Variants in HK1 observed in about 807,000 individuals in gnomAD.
The protein encoded by HK1 is hexokinase 1.
A neutral mutation model predicts 91.6 loss-of-function variants in HK1; 28 were observed. The ratio of observed to expected loss-of-function variants is 0.31; its 90% CI spans 0.23 to 0.42. HK1 has a LOEUF of 0.42. Among genes scored for constraint, HK1 ranks in the 10% least tolerant of loss-of-function variants. HK1 has a pLI of 1.00. For synonymous variants in HK1, 430 were observed against 468.1 expected, an observed-to-expected ratio of 0.92 and a Z score of 1.05; for missense variants, 770 against 1,219.8, an observed-to-expected ratio of 0.63 and a Z score of 5.49.
At chr10:69,376,843 CG>C in intron 7 of HK1, 90 bp from the exon 8 acceptor site, 7 of 1,513,546 alleles carry the variant, frequency 4.6e-6, no homozygotes, top group Non-Finnish European at 6.4e-6. Context: ...AGGGGTGAGT[CG>C]GGGCTTCCCA....
chr10:69,341,469 A>ATT lies in HK1; in HGVS notation c.64-2345_64-2344dup, dbSNP rs748689808. Among the ~76,000 whole-genome samples the ATT allele has an allele frequency of 3.6e-3, 511 of 142,392 alleles. 1 individual carries two copies. Among genetic ancestry groups the ATT allele is most frequent in the Middle Eastern group, 0.026 (7 of 268 alleles). 93.4% of individuals were successfully genotyped at this position (142,392 alleles called of 152,430 possible). ...GGCCACTGCTCCTGGCCAATTGTTA[A>ATT]TTTTTTTTTTTTTTAGAGACAGTCT... On this transcript the variant is annotated intron_variant, in intron 1 of 17. Transcript: ENST00000359426.
chr10:69,279,087 T>C (rs886643486), intron 1 of HK1, among the ~76,000 whole-genome samples: 1 of 152,236 alleles, frequency 6.6e-6, no homozygotes, highest in African/African-American at 2.4e-5. Context: ...GTCGATGCTA[T>C]ATTATCACTC....
chr10:69,389,294 T>A lies in HK1; in HGVS notation c.2033T>A (p.Val678Asp). The change falls in exon 14 of 18, where the codon GTT (valine) becomes GAT (aspartate). Residue 678 changes from valine to aspartate, a missense_variant and splice_region_variant. Val to Asp is a radical substitution (Grantham distance 152). Coordinates refer to ENST00000359426, the MANE Select transcript of HK1 (RefSeq NM_000188.3). Reference sequence around the variant, plus strand: ...CCCACCTGTGAGGTTGGACTCATTGTTGGTGAGTGTCCTGGAAGGTCTCTT... The same window carrying A: ...CCCACCTGTGAGGTTGGACTCATTGATGGTGAGTGTCCTGGAAGGTCTCTT... The part of the protein sequence containing the change: ...EEPTCEVGLI[V>D]GTGSNACYME... 1 of 1,602,380 alleles carries A rather than the reference T, an allele frequency of 6.2e-7. No individual in the cohort carries two copies. Among genetic ancestry groups the A allele is most frequent in the Non-Finnish European group, 8.5e-7 (1 of 1,172,254 alleles).
At chr10:69,325,506 A>C (rs1262646920) in intron 1 of HK1, among the ~76,000 whole-genome samples, 2 of 148,086 alleles carry the variant, frequency 1.4e-5, no homozygotes, top group Non-Finnish European at 3.0e-5. Context: ...TACAGGCACC[A>C]GCCAATGCTC....
At chr10:69,321,557 A>G (rs1847030783) in intron 1 of HK1, among the ~76,000 whole-genome samples, 1 of 152,124 alleles carries the variant, frequency 6.6e-6, no homozygotes, top group Non-Finnish European at 1.5e-5. Context: ...GGGGCTCTGG[A>G]GACAGACCTG....
chr10:69,279,234 T>A (rs1186392404), intron 1 of HK1, among the ~76,000 whole-genome samples: 4 of 152,196 alleles, frequency 2.6e-5, no homozygotes, highest in Non-Finnish European at 5.9e-5. Context: ...AGTCTGTCTC[T>A]TTCTAAAATG....
At chr10:69,300,950 A>G in intron 5 of HK1, 1 of 779,764 alleles carries the variant, frequency 1.3e-6, no homozygotes, top group Non-Finnish European at 2.2e-6. Context: ...GTTAATATAC[A>G]TAAATCAATT....
chr10:69,300,010 G>A (rs113489626), intron 4 of HK1, among the ~76,000 whole-genome samples: 2,210 of 149,746 alleles, frequency 0.015, 115 homozygotes, highest in African/African-American at 0.052. Flanking sequence ...ATGTTGCCCC[G>A]GCTGGTCTTG....
intron 1 of HK1, among the ~76,000 whole-genome samples, chr10:69,331,186 A>C (rs1267597799): frequency 6.6e-6 from 1 of 152,224 alleles, no homozygotes; most frequent in Non-Finnish European, 1.5e-5. Flanking sequence ...GGCCAGAGTT[A>C]CCTGTTTCTT....
At chr10:69,365,715 T>C (rs1482714561) in intron 4 of HK1, among the ~76,000 whole-genome samples, 1 of 152,136 alleles carries the variant, frequency 6.6e-6, no homozygotes, top group Non-Finnish European at 1.5e-5. Flanking sequence ...GTTAGCTGTG[T>C]GCGTTAACAT....
intron 1 of HK1, among the ~76,000 whole-genome samples, chr10:69,329,501 G>A (rs1381461829): frequency 6.6e-6 from 1 of 152,124 alleles, no homozygotes; most frequent in East Asian, 1.9e-4. Context: ...TGTAGGAATG[G>A]AATTTCTTGG....
chr10:69,296,635 A>AT (rs1845576907), intron 4 of HK1, among the ~76,000 whole-genome samples: 1 of 152,108 alleles, frequency 6.6e-6, no homozygotes, highest in Non-Finnish European at 1.5e-5. Context: ...AGGTGATGAG[A>AT]TTTGCAGAGA....
chr10:69,377,801 A>G (rs1414240711), intron 8 of HK1, among the ~76,000 whole-genome samples: 7 of 152,200 alleles, frequency 4.6e-5, no homozygotes, highest in Non-Finnish European at 1.5e-5. Flanking sequence ...TGCCACACAC[A>G]CATTCTTTCA....
rs1322815636 is a variant in HK1, at chr10:69,285,132, C to T, written c.-215+2428C>T. Among the ~76,000 whole-genome samples the T allele has an allele frequency of 2.0e-5, 3 of 151,834 alleles. No homozygotes were observed. In the East Asian group the frequency reaches 5.9e-4, roughly 30 times the overall value. On this transcript the variant is annotated intron_variant, in intron 2 of 21. Transcript: ENST00000360289. ...CCGCACCCAGCCGTGAGATCCTATT[C>T]CTTAAAAAAACAAACAAACAGGCCG...
chr10:69,289,290 A>G (rs928525577), intron 3 of HK1, among the ~76,000 whole-genome samples: 9 of 152,242 alleles, frequency 5.9e-5, no homozygotes, highest in African/African-American at 2.2e-4. Flanking sequence ...AGGGAAGCCC[A>G]GAGGATCGTT....
intron 2 of HK1, among the ~76,000 whole-genome samples, chr10:69,356,313 T>G (rs1416723177): frequency 6.6e-6 from 1 of 151,938 alleles, no homozygotes; most frequent in Non-Finnish European, 1.5e-5. Context: ...ATGCCTGTAG[T>G]TCCAGCTACT....
intron 14 of HK1, among the ~76,000 whole-genome samples, chr10:69,391,153 G>T (rs1228932753): frequency 6.6e-6 from 1 of 152,240 alleles, no homozygotes; most frequent in Non-Finnish European, 1.5e-5. Flanking sequence ...TCCACCCAGA[G>T]AAAGGTGCCT....
intron 4 of HK1, among the ~76,000 whole-genome samples, chr10:69,367,359 G>C (rs569977900): frequency 6.6e-6 from 1 of 152,324 alleles, no homozygotes; most frequent in South Asian, 2.1e-4. Context: ...TCAGCTCCCT[G>C]TTTCTAGAGG....
In HK1 at chr10:69,360,033, C is replaced by T; in HGVS notation, c.363C>T (p.Gly121=). The T allele has an allele frequency of 6.2e-7, 1 of 1,614,016 alleles. No homozygotes were observed. The highest frequency in any genetic ancestry group is 1.7e-4 in the Middle Eastern group (1 of 5,958). Reference sequence around the variant, plus strand: ...ACACCCCAGAGAACATCGTGCACGGCAGTGGAAGCCAGGTGGGTCCCTGCT... The same window carrying T: ...ACACCCCAGAGAACATCGTGCACGGTAGTGGAAGCCAGGTGGGTCCCTGCT... ...VYDTPENIVH[G]SGSQLFDHVA... Residue 121 remains glycine, a synonymous_variant, in exon 3 of 18, where the codon GGC becomes GGT. Coordinates refer to ENST00000359426, the MANE Select transcript of HK1 (RefSeq NM_000188.3).
Sources: gnomAD v4.1 joint callset for allele counts (sites outside exome capture counted in the v4.1 genomes callset) on GRCh38, gnomAD v4.1.1 for gene constraint, MANE v1.5 for transcripts, NCBI Gene and HGNC (gene_info 2026-07-23, HGNC 2026-07-21) for gene names.